Variants in CAST observed in about 807,000 individuals in gnomAD.
CAST encodes calpastatin.
CAST carries 76 observed loss-of-function variants against 119.6 expected under a neutral mutation model. That is an observed-to-expected ratio of 0.64 (90% CI 0.53 to 0.77). The LOEUF (loss-of-function observed/expected upper bound fraction) is 0.77, where lower values mean the gene tolerates loss of function less well. Among genes scored for constraint, CAST ranks in the 30% least tolerant of loss-of-function variants. The pLI is 0.00. For synonymous variants in CAST, 319 were observed against 331.6 expected, an observed-to-expected ratio of 0.96 and a Z score of 0.41; for missense variants, 953 against 946.5, an observed-to-expected ratio of 1.01 and a Z score of -0.09.
upstream of CAST, among the ~76,000 whole-genome samples, chr5:96,660,673 G>T (rs1748301133): frequency 6.6e-6 from 1 of 151,996 alleles, no homozygotes; most frequent in Non-Finnish European, 1.5e-5. Flanking sequence ...CTGGGGTGGA[G>T]GCCAGGAAGG....
chr5:96,168,729 G>A, the CAST span, among the ~76,000 whole-genome samples: 1 of 152,164 alleles, frequency 6.6e-6, no homozygotes. Context: ...TACAGTCATG[G>A]GGGTCAGGTG....
intron 1 of CAST, among the ~76,000 whole-genome samples, chr5:96,541,470 A>G (rs534571533): frequency 1.2e-4 from 18 of 152,286 alleles, no homozygotes; most frequent in African/African-American, 4.1e-4. Context: ...GACCTCCTAA[A>G]TGATGTTTTT....
chr5:96,771,672 A>G lies in CAST; in HGVS notation c.2369A>G (p.Asp790Gly). The part of the protein sequence containing the change: ...KTTEETSKPK[D>G]D The stretch of plus-strand genomic sequence containing the variant: ...ACAGAGGAAACTTCCAAGCCAAAAG[A>G]TGACTAAAGAAATACAAGTTAAGGT... The change falls in exon 31 of 32, where the codon GAT becomes GGT. Residue 790 changes from aspartate to glycine, a missense_variant. Coordinates refer to ENST00000675179, the MANE Select transcript of CAST (RefSeq NM_001750.7). 1 of 1,611,846 alleles carries G rather than the reference A, an allele frequency of 6.2e-7. No homozygotes were observed.
At chr5:96,747,976 C>T (rs2150560829) in intron 18 of CAST, among the ~76,000 whole-genome samples, 1 of 152,282 alleles carries the variant, frequency 6.6e-6, no homozygotes, top group South Asian at 2.1e-4. Flanking sequence ...GCTGTCTGGT[C>T]TGAGTCCCAG....
the CAST span, among the ~76,000 whole-genome samples, chr5:96,077,777 G>T: frequency 6.6e-6 from 1 of 152,136 alleles, no homozygotes; most frequent in Non-Finnish European, 1.5e-5. Context: ...ACCACAAGCA[G>T]ATGCTGGTGC....
intron 20 of CAST, among the ~76,000 whole-genome samples, chr5:96,753,818 GTCTCGTAAGTTT>G (rs1238925716): frequency 7.2e-5 from 11 of 152,156 alleles, no homozygotes; most frequent in African/African-American, 2.7e-4. Context: ...TCTGGGTCAG[GTCTCGTAAGTTT>G]CACATTATCA....
At chr5:96,156,430 G>T in the CAST span, among the ~76,000 whole-genome samples, 5 of 152,196 alleles carry the variant, frequency 3.3e-5, no homozygotes, top group East Asian at 7.7e-4. Flanking sequence ...ACTTTCATTT[G>T]GTCCCTATGA....
At chr5:96,058,247 C>A in the CAST span, among the ~76,000 whole-genome samples, 3 of 152,140 alleles carry the variant, frequency 2.0e-5, no homozygotes, top group Admixed American at 2.0e-4. Flanking sequence ...AGGATCACAA[C>A]ACCTTCCCAG....
At chr5:96,449,380 A>G in the CAST span, among the ~76,000 whole-genome samples, 1 of 152,200 alleles carries the variant, frequency 6.6e-6, no homozygotes, top group African/African-American at 2.4e-5. Context: ...TGCACATGCG[A>G]GGAATCTGGG....
chr5:96,220,347 C>T, the CAST span, among the ~76,000 whole-genome samples: 1 of 152,074 alleles, frequency 6.6e-6, no homozygotes, highest in African/African-American at 2.4e-5. Flanking sequence ...AAAAGACACC[C>T]TCAAGTACAC....
the CAST span, among the ~76,000 whole-genome samples, chr5:96,377,102 T>C: frequency 2.0e-5 from 3 of 152,090 alleles, no homozygotes; most frequent in East Asian, 5.8e-4. Context: ...GTACAATGTA[T>C]GTTTTAAGCC....
chr5:96,408,681 G>C, the CAST span, among the ~76,000 whole-genome samples: 30 of 152,206 alleles, frequency 2.0e-4, no homozygotes, highest in Non-Finnish European at 4.0e-4. Context: ...GGTCCATTGT[G>C]TTTGGTCTGG....
chr5:96,730,702 A>C, intron 8 of CAST, 78 bp from the exon 9 acceptor site: 1 of 1,037,782 alleles, frequency 9.6e-7, no homozygotes, highest in Non-Finnish European at 1.5e-6. Flanking sequence ...GATGTTAGTG[A>C]CATTTGAAAC....
the CAST span, among the ~76,000 whole-genome samples, chr5:96,066,835 AT>A: frequency 2.2e-4 from 32 of 146,490 alleles, no homozygotes; most frequent in South Asian, 6.5e-4. Context: ...AGTTAACAAA[AT>A]TTTTTTTTTT....
At chr5:96,539,414 G>T (rs1162628285) in intron 1 of CAST, among the ~76,000 whole-genome samples, 1 of 152,018 alleles carries the variant, frequency 6.6e-6, no homozygotes, top group Non-Finnish European at 1.5e-5. Flanking sequence ...AAATAATTTT[G>T]TTTTTTGTGA....
chr5:96,662,325 C>A, upstream of CAST: 5 of 711,418 alleles, frequency 7.0e-6, no homozygotes, highest in Non-Finnish European at 9.8e-6. Context: ...CCTCCGCTCC[C>A]TCCCTCCCTC....
the CAST span, among the ~76,000 whole-genome samples, chr5:96,068,268 A>G: frequency 6.6e-6 from 1 of 152,098 alleles, no homozygotes; most frequent in African/African-American, 2.4e-5. Flanking sequence ...GATCTAGCCA[A>G]AAGAACCTCT....
the CAST span, among the ~76,000 whole-genome samples, chr5:96,253,457 G>A: frequency 6.6e-6 from 1 of 152,138 alleles, no homozygotes; most frequent in Admixed American, 6.6e-5. Context: ...GAGCAGCCAA[G>A]GTTGAGACTT....
the CAST span, among the ~76,000 whole-genome samples, chr5:96,005,459 T>A: frequency 6.6e-6 from 1 of 152,074 alleles, no homozygotes; most frequent in Non-Finnish European, 1.5e-5. Flanking sequence ...ATCCTAATAC[T>A]GATAAATGAA....
Sources: gnomAD v4.1 joint callset for allele counts (sites outside exome capture counted in the v4.1 genomes callset) on GRCh38, gnomAD v4.1.1 for gene constraint, MANE v1.5 for transcripts, NCBI Gene and HGNC (gene_info 2026-07-23, HGNC 2026-07-21) for gene names.